The following RAPGEF6 variants were observed in gnomAD, a reference collection of about 807,000 sequenced individuals.
RAPGEF6 encodes the protein Rap guanine nucleotide exchange factor 6.
In RAPGEF6, 56 loss-of-function variants were observed where a neutral mutation model predicts 171.4. The observed-to-expected ratio is 0.33, with a 90% CI of 0.26 to 0.41. The LOEUF (loss-of-function observed/expected upper bound fraction) is 0.41. Among genes scored for constraint, RAPGEF6 ranks in the 10% least tolerant of loss-of-function variants. RAPGEF6 has a pLI of 1.00. For synonymous variants in RAPGEF6, 692 were observed against 650.1 expected, an observed-to-expected ratio of 1.06 and a Z score of -0.98; for missense variants, 1,674 against 1,921.4, an observed-to-expected ratio of 0.87 and a Z score of 2.41.
chr5:131,527,562 T>G (rs1207520614), intron 6 of RAPGEF6, among the ~76,000 whole-genome samples: 1 of 152,156 alleles, frequency 6.6e-6, no homozygotes, highest in Non-Finnish European at 1.5e-5. Flanking sequence ...ATATACCTTA[T>G]GACTCAATAT....
At chr5:131,482,778 T>C (rs1329981502) in intron 15 of RAPGEF6, among the ~76,000 whole-genome samples, 1 of 152,178 alleles carries the variant, frequency 6.6e-6, no homozygotes, top group Non-Finnish European at 1.5e-5. Context: ...AGGGCAATCT[T>C]CCTTAAGCAA....
intron 1 of RAPGEF6, among the ~76,000 whole-genome samples, chr5:131,630,649 A>C (rs879262716): frequency 1.3e-5 from 2 of 152,208 alleles, no homozygotes; most frequent in Non-Finnish European, 2.9e-5. Context: ...CTGTGTTAGA[A>C]AGATATCTAA....
intron 15 of RAPGEF6, among the ~76,000 whole-genome samples, chr5:131,489,278 G>A (rs557743362): frequency 1.3e-5 from 2 of 152,094 alleles, no homozygotes; most frequent in African/African-American, 4.8e-5. Flanking sequence ...CTCCAGCAGA[G>A]TACATAATAC....
intron 1 of RAPGEF6, among the ~76,000 whole-genome samples, chr5:131,606,496 G>A (rs999422107): frequency 1.4e-4 from 22 of 151,974 alleles, no homozygotes; most frequent in Non-Finnish European, 8.8e-5. Context: ...AGATATTTAA[G>A]TATATAAAAA....
intron 1 of RAPGEF6, among the ~76,000 whole-genome samples, chr5:131,612,205 T>TC (rs1237374619): frequency 6.2e-5 from 9 of 146,094 alleles, no homozygotes; most frequent in Non-Finnish European, 1.4e-4. Flanking sequence ...CAGCTAATTT[T>TC]TTTTTTTTTT....
At chr5:131,589,251 T>C (rs774614477) in intron 4 of RAPGEF6, among the ~76,000 whole-genome samples, 1 of 152,222 alleles carries the variant, frequency 6.6e-6, no homozygotes. Flanking sequence ...TATAGCCTTG[T>C]GTCCCATTAT....
intron 6 of RAPGEF6, among the ~76,000 whole-genome samples, chr5:131,535,354 A>G (rs1186708977): frequency 2.0e-5 from 3 of 152,206 alleles, no homozygotes; most frequent in Non-Finnish European, 4.4e-5. Flanking sequence ...TCCTTTGAAG[A>G]GAATAGTAAT....
rs1314591213 is a variant in RAPGEF6 at position 131,425,832 on chromosome 5, G to A, written c.*1434C>T. Reference sequence around the variant, plus strand: ...GACACATACGGACAGCCATTCAGAAGTAAACCCCTTTTGGCTCCAAGTTGA... The same window carrying A: ...GACACATACGGACAGCCATTCAGAAATAAACCCCTTTTGGCTCCAAGTTGA... On this transcript the variant is annotated 3_prime_UTR_variant, in exon 28 of 28. Transcript: ENST00000509018. The A allele has an allele frequency of 7.1e-6, 1 of 140,410 alleles. No homozygotes were observed. Among genetic ancestry groups the A allele is most frequent in the Non-Finnish European group, 1.5e-5 (1 of 65,548 alleles). The allele number at this position is 140,410 out of a possible 1,614,324, so 8.7% of individuals were successfully genotyped here. A position where few individuals can be genotyped will look rare whatever the true frequency, so the allele number is the denominator to read the frequency against.
At chr5:131,505,262 T>C in intron 10 of RAPGEF6, 102 bp downstream of exon 10, 1 of 1,188,586 alleles carries the variant, frequency 8.4e-7, no homozygotes, top group Non-Finnish European at 1.2e-6. Flanking sequence ...CTATTGAAAC[T>C]CCTAATTCTC....
chr5:131,536,757 T>TTA (rs1401105322), intron 6 of RAPGEF6, among the ~76,000 whole-genome samples: 2 of 152,188 alleles, frequency 1.3e-5, no homozygotes, highest in Non-Finnish European at 2.9e-5. Context: ...AGCATCTTCA[T>TTA]ACCTGCACAA....
In RAPGEF6 at chr5:131,450,536, A is replaced by G. The variant is rs557271869; in HGVS notation, c.3200+2518T>C. ...AGAAATTTCTGACAAGATGTCTTGT[A>G]AGAAATGTTGACCAGCAAATCCAAC... On this transcript the variant is annotated intron_variant, in intron 21 of 27. Coordinates refer to ENST00000509018, the MANE Select transcript of RAPGEF6 (RefSeq NM_016340.6). Among the ~76,000 whole-genome samples the G allele has an allele frequency of 2.5e-4, 38 of 152,320 alleles. 1 individual carries two copies. The highest frequency in any genetic ancestry group is 8.7e-4 in the African/African-American group (36 of 41,578).
At chr5:131,494,936 G>T (rs959603687) in intron 13 of RAPGEF6, among the ~76,000 whole-genome samples, 1 of 152,092 alleles carries the variant, frequency 6.6e-6, no homozygotes, top group Non-Finnish European at 1.5e-5. Context: ...GAGACTGAGG[G>T]TACACATATA....
At chr5:131,463,309 T>C (rs1419724117) in intron 18 of RAPGEF6, among the ~76,000 whole-genome samples, 1 of 152,176 alleles carries the variant, frequency 6.6e-6, no homozygotes, top group Non-Finnish European at 1.5e-5. Flanking sequence ...TTGAGTGTGG[T>C]AGCTCACACT....
At chr5:131,562,794 C>T (rs192776629) in intron 4 of RAPGEF6, among the ~76,000 whole-genome samples, 139 of 151,916 alleles carry the variant, frequency 9.1e-4, no homozygotes, top group Middle Eastern at 3.4e-3. Context: ...TTTCCAGGAT[C>T]AGCAGTTGCT....
chr5:131,469,862 C>A (rs748991265), intron 17 of RAPGEF6: 15 of 1,471,440 alleles, frequency 1.0e-5, no homozygotes, highest in Non-Finnish European at 1.2e-5. Flanking sequence ...CAATCAAAAA[C>A]AAACTTACAG....
In RAPGEF6 at chr5:131,462,108, T is replaced by A. The variant is rs752160101; in HGVS notation, c.2481-20A>T. ...TAATACCTAAATGGAAAAATTTTTT[T>A]AAATAAATGTATTCATAAATATGAT... On this transcript the variant is annotated intron_variant, in intron 18 of 27. Transcript: ENST00000509018. 6.3e-6 allele frequency: 9 copies of A among 1,425,234 alleles called. No homozygotes were observed. The highest frequency in any genetic ancestry group is 2.9e-5 in the African/African-American group (2 of 68,802). 88.3% of individuals were successfully genotyped at this position (1,425,234 alleles called of 1,614,324 possible).
intron 5 of RAPGEF6, among the ~76,000 whole-genome samples, chr5:131,558,409 C>G (rs1230206438): frequency 1.3e-5 from 2 of 152,026 alleles, no homozygotes; most frequent in African/African-American, 2.4e-5. Context: ...TATCAATTTT[C>G]TTAGTCTTTT....
chr5:131,446,819 T>G (rs1454519977), intron 21 of RAPGEF6, 116 bp from the exon 22 acceptor site: 2 of 969,760 alleles, frequency 2.1e-6, no homozygotes, highest in African/African-American at 1.6e-5. Flanking sequence ...GTAAATGAGT[T>G]AAAAGATGAA....
At chr5:131,598,150 GA>G (rs1158320112) in intron 3 of RAPGEF6, among the ~76,000 whole-genome samples, 5 of 152,036 alleles carry the variant, frequency 3.3e-5, no homozygotes, top group Non-Finnish European at 7.4e-5. Flanking sequence ...CTATGAAACA[GA>G]AATGAAAATC....
Sources: allele counts gnomAD v4.1 joint callset (sites outside exome capture counted in the v4.1 genomes callset), GRCh38; gene constraint gnomAD v4.1.1; transcripts MANE v1.5; gene names NCBI Gene and HGNC (gene_info 2026-07-23, HGNC 2026-07-21).